The following CUX1 variants were observed in gnomAD, a reference collection of about 807,000 sequenced individuals.
CUX1 encodes protein CASP.
A neutral mutation model predicts 158.8 loss-of-function variants in CUX1; 31 were observed. The ratio of observed to expected loss-of-function variants is 0.20; its 90% CI spans 0.15 to 0.26. CUX1 has a LOEUF of 0.26. Among genes scored for constraint, CUX1 ranks in the 10% least tolerant of loss-of-function variants. The probability of loss-of-function intolerance (pLI) is 1.00; values close to 1 mark genes in which losing one functional copy is unlikely to be tolerated. For synonymous variants in CUX1, 879 were observed against 862.1 expected (o/e 1.02, Z -0.34); for missense variants, 1,589 against 2,014.6 (o/e 0.79, Z 4.04).
chr7:101,966,506 G>A (rs1279027054), intron 2 of CUX1, among the ~76,000 whole-genome samples: 1 of 152,050 alleles, frequency 6.6e-6, no homozygotes, highest in African/African-American at 2.4e-5. Flanking sequence ...GCTTGTCTTT[G>A]AGATTTTCGT....
intron 1 of CUX1, among the ~76,000 whole-genome samples, chr7:101,886,874 G>T (rs1800280030): frequency 6.6e-6 from 1 of 152,168 alleles, no homozygotes; most frequent in African/African-American, 2.4e-5. Context: ...CTGGCCATGT[G>T]ACCTAAATGG....
At chr7:101,888,799 A>T (rs1370808842) in intron 1 of CUX1, among the ~76,000 whole-genome samples, 1 of 152,038 alleles carries the variant, frequency 6.6e-6, no homozygotes, top group South Asian at 2.1e-4. Flanking sequence ...CATGATGGCC[A>T]GGCTGGTCTT....
chr7:101,829,933 G>T (rs577966351), intron 1 of CUX1, among the ~76,000 whole-genome samples: 1 of 152,320 alleles, frequency 6.6e-6, no homozygotes, highest in East Asian at 1.9e-4. Flanking sequence ...CAAGTTTGTT[G>T]GGACAGTTTT....
At chr7:102,120,346 C>T (rs1831901413) in intron 8 of CUX1, among the ~76,000 whole-genome samples, 4 of 152,154 alleles carry the variant, frequency 2.6e-5, no homozygotes, top group Admixed American at 2.6e-4. Context: ...ACTCGTGGGC[C>T]GAGGCACTGA....
chr7:102,160,707 G>T (rs1554506810), intron 9 of CUX1, among the ~76,000 whole-genome samples: 1 of 152,136 alleles, frequency 6.6e-6, no homozygotes, highest in Admixed American at 6.5e-5. Flanking sequence ...AATACTGAAT[G>T]ATTCCACCTG....
At chr7:101,820,803 T>C (rs999058976) in intron 1 of CUX1, among the ~76,000 whole-genome samples, 1 of 152,178 alleles carries the variant, frequency 6.6e-6, no homozygotes, top group African/African-American at 2.4e-5. Flanking sequence ...GCTTAAACAC[T>C]CAAGCAATTC....
chr7:102,097,531 C>A, intron 5 of CUX1, 30 bp downstream of exon 5: 1 of 1,508,640 alleles, frequency 6.6e-7, no homozygotes, highest in Non-Finnish European at 8.8e-7. Flanking sequence ...TTTGCTTTTT[C>A]TTTTCTTCTT....
chr7:102,204,212 G>T (rs1249513506), intron 18 of CUX1, among the ~76,000 whole-genome samples, 179 bp from the exon 19 acceptor site: 2 of 152,214 alleles, frequency 1.3e-5, no homozygotes, highest in African/African-American at 2.4e-5. Flanking sequence ...CTCAGCCACC[G>T]TTGATCTTTA....
chr7:101,975,741 C>T (rs1036970378), intron 2 of CUX1, among the ~76,000 whole-genome samples: 10 of 152,164 alleles, frequency 6.6e-5, no homozygotes, highest in African/African-American at 1.7e-4. Context: ...GCTGTCTTTC[C>T]GTGTGTTTGT....
chr7:101,904,568 A>ATT (rs34284019), intron 1 of CUX1, among the ~76,000 whole-genome samples: 10 of 139,338 alleles, frequency 7.2e-5, no homozygotes, highest in Admixed American at 7.2e-5. Flanking sequence ...CATTTTGAGA[A>ATT]TTTTTTTTTT....
At chr7:101,965,484 T>C (rs1284532727) in intron 2 of CUX1, among the ~76,000 whole-genome samples, 79 of 152,276 alleles carry the variant, frequency 5.2e-4, no homozygotes, top group East Asian at 1.9e-4. Context: ...GCATATGGCC[T>C]GGCCCTGTCC....
chr7:101,892,634 T>C (rs990554812), intron 1 of CUX1, among the ~76,000 whole-genome samples: 4 of 152,216 alleles, frequency 2.6e-5, no homozygotes, highest in Non-Finnish European at 5.9e-5. Context: ...TTCCTATCAG[T>C]ATGTTGTTAG....
chr7:101,835,593 T>G (rs1055092095), intron 1 of CUX1, among the ~76,000 whole-genome samples: 2 of 152,174 alleles, frequency 1.3e-5, no homozygotes, highest in Non-Finnish European at 2.9e-5. Flanking sequence ...TTTTTGTGGG[T>G]GCGTATATTT....
intron 3 of CUX1, among the ~76,000 whole-genome samples, chr7:102,034,031 G>A (rs745904299): frequency 4.7e-5 from 7 of 148,940 alleles, no homozygotes; most frequent in Non-Finnish European, 1.0e-4. Flanking sequence ...CTGTAATCCC[G>A]GCTACTTGGG....
At chr7:102,178,719 C>T (rs549052418) in intron 11 of CUX1, 62 bp downstream of exon 11, 37 of 1,490,874 alleles carry the variant, frequency 2.5e-5, no homozygotes, top group South Asian at 8.9e-5. Flanking sequence ...TGGACACACG[C>T]GCACACACAC....
chr7:102,192,959 G>A (rs574603617), intron 12 of CUX1, among the ~76,000 whole-genome samples: 5 of 152,240 alleles, frequency 3.3e-5, no homozygotes, highest in Admixed American at 1.3e-4. Flanking sequence ...CCCAGAGACC[G>A]TAGTGATCAG....
Position 101,943,703 on chromosome 7 carries a change from T to A in CUX1, c.141+27478T>A, listed in dbSNP as rs575723198. Among the ~76,000 whole-genome samples the A allele has an allele frequency of 4.8e-4, 71 of 148,968 alleles. 1 individual carries two copies. The East Asian group carries it at 0.013, about 27-fold the overall frequency. On this transcript the variant is annotated intron_variant, in intron 2 of 23. Transcript: ENST00000292535. ...GCTTTAAAATTTAAAAAAAAAAAAA[T>A]GGGGGCATTGATGAGTCTCGTTGGC...
chr7:102,023,140 G>T (rs1186863814), intron 2 of CUX1, among the ~76,000 whole-genome samples: 2 of 152,060 alleles, frequency 1.3e-5, no homozygotes, highest in African/African-American at 2.4e-5. Flanking sequence ...GCTTGAACCT[G>T]GGGGGTGGAG....
chr7:101,901,896 T>G (rs533045155), intron 1 of CUX1, among the ~76,000 whole-genome samples: 16 of 152,300 alleles, frequency 1.1e-4, no homozygotes, highest in Non-Finnish European at 2.1e-4. Flanking sequence ...ACAATAGAAA[T>G]AAATATTTTC....
Sources: gnomAD v4.1 joint callset for allele counts (sites outside exome capture counted in the v4.1 genomes callset) on GRCh38, gnomAD v4.1.1 for gene constraint, MANE v1.5 for transcripts, NCBI Gene and HGNC (gene_info 2026-07-23, HGNC 2026-07-21) for gene names.